CACNB2: variants seen among roughly 807,000 people sequenced by gnomAD.
CACNB2 encodes voltage-dependent L-type calcium channel subunit beta-2.
A neutral mutation model predicts 73.3 loss-of-function variants in CACNB2; 42 were observed. That is an observed-to-expected ratio of 0.57 (90% CI 0.45 to 0.74). The LOEUF (loss-of-function observed/expected upper bound fraction) is 0.74, where lower values mean the gene tolerates loss of function less well. Among genes scored for constraint, CACNB2 ranks in the 30% least tolerant of loss-of-function variants. The pLI is 0.00. For missense variants in CACNB2, 940 were observed against 853.0 expected, an observed-to-expected ratio of 1.10 and a Z score of -1.27; for synonymous variants, 348 against 310.3, an observed-to-expected ratio of 1.12 and a Z score of -1.28.
At chr10:18,186,562 C>T (rs756458077) in intron 2 of CACNB2, among the ~76,000 whole-genome samples, 2 of 152,132 alleles carry the variant, frequency 1.3e-5, no homozygotes, top group East Asian at 1.9e-4. Flanking sequence ...AGGAAACTTA[C>T]AGTCATGGTG....
At chr10:18,154,037 C>G (rs1340506277) in intron 2 of CACNB2, among the ~76,000 whole-genome samples, 1 of 151,446 alleles carries the variant, frequency 6.6e-6, no homozygotes, top group East Asian at 1.9e-4. Context: ...AGATATTTGC[C>G]CAATAGAATT....
At chr10:18,444,361 C>A (rs1440875172) in intron 3 of CACNB2, among the ~76,000 whole-genome samples, 2 of 152,208 alleles carry the variant, frequency 1.3e-5, no homozygotes, top group African/African-American at 4.8e-5. Flanking sequence ...AATTCTATCA[C>A]TTATTTCACT....
intron 2 of CACNB2, among the ~76,000 whole-genome samples, chr10:18,371,611 A>G (rs1156587180): frequency 6.6e-6 from 1 of 152,214 alleles, no homozygotes; most frequent in East Asian, 1.9e-4. Context: ...ATTGTTGGAC[A>G]TTTGGGTTGG....
intron 2 of CACNB2, among the ~76,000 whole-genome samples, chr10:18,158,031 C>G (rs1042389609): frequency 6.6e-6 from 1 of 152,130 alleles, no homozygotes; most frequent in African/African-American, 2.4e-5. Flanking sequence ...AAAAGTGGAA[C>G]TGGAATTGGA....
intron 2 of CACNB2, among the ~76,000 whole-genome samples, chr10:18,157,630 G>A (rs1226952156): frequency 2.0e-5 from 3 of 152,210 alleles, no homozygotes; most frequent in African/African-American, 7.2e-5. Context: ...AGGCTCAGAG[G>A]TGAAGTGACT....
intron 3 of CACNB2, among the ~76,000 whole-genome samples, chr10:18,434,109 G>T (rs770149029): frequency 2.6e-5 from 4 of 152,096 alleles, no homozygotes; most frequent in African/African-American, 9.7e-5. Flanking sequence ...GGGAATTTTG[G>T]CCATGAACTG....
At chr10:18,286,021 A>C (rs1466658820) in intron 2 of CACNB2, among the ~76,000 whole-genome samples, 1 of 152,244 alleles carries the variant, frequency 6.6e-6, no homozygotes, top group African/African-American at 2.4e-5. Context: ...TTAAAACCCA[A>C]ATCTGTGGTG....
chr10:18,359,779 G>A (rs921998332), intron 2 of CACNB2, among the ~76,000 whole-genome samples: 3 of 151,450 alleles, frequency 2.0e-5, no homozygotes, highest in Admixed American at 6.6e-5. Flanking sequence ...GCAGTCCCCA[G>A]TGTGAGATGT....
intron 2 of CACNB2, among the ~76,000 whole-genome samples, chr10:18,381,212 T>C (rs1304787077): frequency 6.6e-6 from 1 of 150,908 alleles, no homozygotes; most frequent in Non-Finnish European, 1.5e-5. Context: ...TCCTGCCTAC[T>C]AGATGGTTCA....
In CACNB2 at chr10:18,540,156, G is replaced by T; in HGVS notation, c.*432G>T. 1 of 196,004 alleles carries T rather than the reference G, an allele frequency of 5.1e-6. No homozygotes were observed. The highest frequency in any genetic ancestry group is 1.1e-5 in the Non-Finnish European group (1 of 94,340). 12.1% of individuals were successfully genotyped at this position (196,004 alleles called of 1,614,324 possible). On this transcript the variant is annotated 3_prime_UTR_variant, in exon 14 of 14. Coordinates refer to ENST00000324631, the MANE Select transcript of CACNB2 (RefSeq NM_201596.3). ...GCATCTGATTTGCATATTCATTCAT[G>T]GACCACTGTTTCTTGCTTGTACCTC...
intron 2 of CACNB2, among the ~76,000 whole-genome samples, chr10:18,347,591 A>AT (rs148003563): frequency 0.039 from 5,904 of 151,672 alleles, 191 homozygotes; most frequent in African/African-American, 0.09. Flanking sequence ...GAAGGCAATA[A>AT]TTTTTATCTC....
intron 2 of CACNB2, among the ~76,000 whole-genome samples, chr10:18,365,713 A>G (rs572828733): frequency 6.6e-6 from 1 of 152,338 alleles, no homozygotes; most frequent in East Asian, 1.9e-4. Context: ...GAATAGTGCA[A>G]CATGCTTAGT....
At chr10:18,195,690 G>C (rs577011453) in intron 2 of CACNB2, among the ~76,000 whole-genome samples, 1 of 152,326 alleles carries the variant, frequency 6.6e-6, no homozygotes, top group East Asian at 1.9e-4. Context: ...ATGGCTCTTT[G>C]TCACTGTGAT....
At chr10:18,261,178 G>A in intron 2 of CACNB2, 1 of 1,548,320 alleles carries the variant, frequency 6.5e-7, no homozygotes, top group South Asian at 1.2e-5. Flanking sequence ...GGGAGTAGAA[G>A]GTGGGAAGAA....
intron 2 of CACNB2, among the ~76,000 whole-genome samples, chr10:18,170,984 G>A (rs1241998591): frequency 6.6e-6 from 1 of 152,154 alleles, no homozygotes; most frequent in Non-Finnish European, 1.5e-5. Context: ...TTACCGCCTT[G>A]CAAGGTGCTC....
intron 2 of CACNB2, among the ~76,000 whole-genome samples, chr10:18,259,553 C>A (rs10828388): frequency 0.28 from 16,586 of 59,256 alleles, 2,101 homozygotes; most frequent in Non-Finnish European, 0.32. Flanking sequence ...GAAAAAAAAA[C>A]AAAAAACAAA....
chr10:18,314,214 C>T (rs2040068090), intron 2 of CACNB2, among the ~76,000 whole-genome samples: 2 of 152,128 alleles, frequency 1.3e-5, no homozygotes. Flanking sequence ...TGTTATAAAA[C>T]CATAATGTAT....
chr10:18,384,052 A>G (rs907506708), intron 2 of CACNB2, among the ~76,000 whole-genome samples: 1 of 152,182 alleles, frequency 6.6e-6, no homozygotes, highest in African/African-American at 2.4e-5. Flanking sequence ...AAAATCTGTG[A>G]TCTTTCACAT....
chr10:18,539,736 T>C lies in CACNB2; in HGVS notation c.*12T>C, dbSNP rs2133338695. On this transcript the variant is annotated 3_prime_UTR_variant, in exon 14 of 14. Transcript: ENST00000324631. ...ACATCCGCCAATGAGTTTTGCCCGT[T>C]TGTGTTTTTTTTTTTTTTTTTTTGA... is the stretch of plus-strand genomic sequence containing the variant. 4 of 1,561,228 alleles carry C rather than the reference T, an allele frequency of 2.6e-6. No homozygotes were observed. In the East Asian group the frequency reaches 9.3e-5, roughly 36 times the overall value.
Sources: allele counts gnomAD v4.1 joint callset (sites outside exome capture counted in the v4.1 genomes callset), GRCh38; gene constraint gnomAD v4.1.1; transcripts MANE v1.5; gene names NCBI Gene and HGNC (gene_info 2026-07-23, HGNC 2026-07-21).